Variants in MTHFD1L observed in about 807,000 individuals in gnomAD.
MTHFD1L encodes methylenetetrahydrofolate dehydrogenase (NADP+ dependent) 1 like.
MTHFD1L carries 81 observed loss-of-function variants against 119.5 expected under a neutral mutation model. That is an observed-to-expected ratio of 0.68 (90% CI 0.57 to 0.82). MTHFD1L has a LOEUF of 0.82. MTHFD1L is among the 40% of genes least tolerant of loss of function. The probability of loss-of-function intolerance (pLI) is 0.00; values close to 1 mark genes in which losing one functional copy is unlikely to be tolerated. For synonymous variants in MTHFD1L, 430 were observed against 475.2 expected, an observed-to-expected ratio of 0.90 and a Z score of 1.24; for missense variants, 1,125 against 1,253.4, an observed-to-expected ratio of 0.90 and a Z score of 1.55.
At chr6:151,025,339 T>C (rs969080708) in intron 24 of MTHFD1L, among the ~76,000 whole-genome samples, 8 of 152,224 alleles carry the variant, frequency 5.3e-5, no homozygotes, top group African/African-American at 1.7e-4. Flanking sequence ...GGGCCTGTTG[T>C]TCTCAGTAAC....
At chr6:151,083,697 A>T (rs1032294027) in intron 26 of MTHFD1L, among the ~76,000 whole-genome samples, 8 of 152,102 alleles carry the variant, frequency 5.3e-5, no homozygotes, top group African/African-American at 1.9e-4. Flanking sequence ...ATTTTTTTTT[A>T]ATTTTTGACT....
At chr6:150,966,930 C>T (rs984461860) in intron 19 of MTHFD1L, among the ~76,000 whole-genome samples, 3 of 152,180 alleles carry the variant, frequency 2.0e-5, no homozygotes, top group African/African-American at 7.2e-5. Flanking sequence ...GACTGAACGC[C>T]TTTGAACAGG....
chr6:151,040,712 A>T (rs1344012355), intron 26 of MTHFD1L, among the ~76,000 whole-genome samples: 1 of 152,220 alleles, frequency 6.6e-6, no homozygotes, highest in Non-Finnish European at 1.5e-5. Context: ...GTCTCTAAAA[A>T]AATGAAATAA....
chr6:150,912,843 T>C, intron 8 of MTHFD1L: 1 of 276,926 alleles, frequency 3.6e-6, no homozygotes. Flanking sequence ...GCCCAGATCG[T>C]AGACAACCTC....
chr6:151,037,227 A>G lies in MTHFD1L; in HGVS notation c.2847+110A>G, dbSNP rs969178798. On this transcript the variant is annotated intron_variant, in intron 26 of 27. Coordinates refer to ENST00000367321, the MANE Select transcript of MTHFD1L (RefSeq NM_015440.5). ...AAATCATGGATTAGGGAAAATTGGG[A>G]GTAATTAATAGTACAGTATTCGCTA... is the stretch of plus-strand genomic sequence containing the variant. 2.1e-4 allele frequency: 228 copies of G among 1,097,474 alleles called. 2 individuals carry two copies. In the Middle Eastern group the frequency reaches 4.0e-3, roughly 19 times the overall value. The allele number at this position is 1,097,474 out of a possible 1,614,324, so 68.0% of individuals were successfully genotyped here.
intron 16 of MTHFD1L, among the ~76,000 whole-genome samples, chr6:150,953,227 CT>C (rs1414774347): frequency 2.0e-5 from 3 of 152,230 alleles, no homozygotes; most frequent in African/African-American, 7.2e-5. Flanking sequence ...CTGCCAGGCT[CT>C]TGGCCAATAT....
At chr6:151,081,089 C>T (rs1293322933) in intron 26 of MTHFD1L, among the ~76,000 whole-genome samples, 1 of 152,192 alleles carries the variant, frequency 6.6e-6, no homozygotes, top group Admixed American at 6.5e-5. Context: ...TAAGCCACTT[C>T]TAGACCCAGT....
chr6:150,964,316 A>G (rs1188938034), intron 18 of MTHFD1L, among the ~76,000 whole-genome samples: 1 of 152,134 alleles, frequency 6.6e-6, no homozygotes, highest in Non-Finnish European at 1.5e-5. Flanking sequence ...GAGAAAGAGG[A>G]CTTAGAAGGA....
chr6:150,923,537 A>ATTTATTTATTTTTT (rs1254981530), intron 10 of MTHFD1L, among the ~76,000 whole-genome samples: 1 of 95,208 alleles, frequency 1.1e-5, no homozygotes, highest in African/African-American at 5.1e-5. Context: ...TTATTTATTT[A>ATTTATTTATTTTTT]TTTTTTCTTT....
chr6:150,969,184 G>T lies in MTHFD1L; in HGVS notation c.2014-2763G>T, dbSNP rs577158269. On this transcript the variant is annotated intron_variant, in intron 19 of 27. Transcript: ENST00000367321. ...TTTAGTAGAGGCAGGGTTTCACCAT[G>T]TTGGCCAGGCCAGTCTCAAACTCCT... 1.8e-4 allele frequency among the ~76,000 whole-genome samples: 28 copies of T among 152,222 alleles called. 1 individual carries two copies. The South Asian group carries it at 5.8e-3, about 32-fold the overall frequency.
intron 4 of MTHFD1L, among the ~76,000 whole-genome samples, chr6:150,879,170 G>T (rs1780954237): frequency 6.6e-6 from 1 of 152,206 alleles, no homozygotes; most frequent in South Asian, 2.1e-4. Flanking sequence ...ACTTGCCATT[G>T]TAGCGTGGTA....
intron 13 of MTHFD1L, among the ~76,000 whole-genome samples, chr6:150,939,851 A>AT (rs1408601174): frequency 6.6e-6 from 1 of 151,594 alleles, no homozygotes; most frequent in Non-Finnish European, 1.5e-5. Context: ...TGCCTGACTG[A>AT]TTTTTTGTAT....
intron 26 of MTHFD1L, among the ~76,000 whole-genome samples, chr6:151,081,992 G>T (rs1793235842): frequency 6.6e-6 from 1 of 152,108 alleles, no homozygotes; most frequent in South Asian, 2.1e-4. Flanking sequence ...CTTGCCAGTA[G>T]GACCTTGACA....
rs755563858 is a variant in MTHFD1L at position 150,918,592 on chromosome 6, G to T, written c.908G>T (p.Gly303Val). The change falls in exon 9 of 28, where the codon GGC (glycine) becomes GTC (valine). Residue 303 changes from glycine to valine, a missense_variant. By Grantham distance (109) the Gly-to-Val change is moderately radical (BLOSUM62 -3). Coordinates refer to ENST00000367321, the MANE Select transcript of MTHFD1L (RefSeq NM_015440.5). ...TTTTTTACAGGGAAGGTTGGGTGTG[G>T]CTCTCCAAGAATACATTTTGGTGGA... ...HDFLSGKVGCGSPRIHFGGLI... is the reference protein window; with the variant it reads ...HDFLSGKVGCVSPRIHFGGLI... 7 of 1,613,696 alleles carry T rather than the reference G, an allele frequency of 4.3e-6. No homozygotes were observed. In the Admixed American group the frequency reaches 1.2e-4, roughly 27 times the overall value.
intron 19 of MTHFD1L, among the ~76,000 whole-genome samples, chr6:150,968,291 G>A (rs970288779): frequency 1.1e-4 from 16 of 151,154 alleles, no homozygotes; most frequent in Admixed American, 2.7e-4. Context: ...GAAAGTGCCC[G>A]ACACCTATTA....
At chr6:150,961,169 C>T (rs1402134116) in intron 18 of MTHFD1L, among the ~76,000 whole-genome samples, 1 of 149,802 alleles carries the variant, frequency 6.7e-6, no homozygotes. Context: ...TCTCAGCTCA[C>T]TGCAGCCCCT....
intron 26 of MTHFD1L, among the ~76,000 whole-genome samples, chr6:151,081,937 A>G (rs758431529): frequency 1.3e-5 from 2 of 151,840 alleles, no homozygotes; most frequent in Non-Finnish European, 2.9e-5. Flanking sequence ...TCCTCTTCCC[A>G]TCTCCTCCAG....
At chr6:151,005,857 C>G (rs529230809) in intron 20 of MTHFD1L, among the ~76,000 whole-genome samples, 2 of 151,128 alleles carry the variant, frequency 1.3e-5, no homozygotes, top group East Asian at 2.0e-4. Flanking sequence ...ATATCTTTAT[C>G]GGATATGACA....
rs554223453 is a variant in MTHFD1L, at chr6:151,090,751, C to T, written c.2848-1716C>T. Among the ~76,000 whole-genome samples the T allele has an allele frequency of 2.6e-5, 4 of 152,352 alleles. No homozygotes were observed. The South Asian group carries it at 6.2e-4, about 24-fold the overall frequency. On this transcript the variant is annotated intron_variant, in intron 26 of 27. Coordinates refer to ENST00000367321, the MANE Select transcript of MTHFD1L (RefSeq NM_015440.5). ...TCATGCAAGGTGTTCTTGGCCAGGG[C>T]CTGTGGAGGTTCTACATGATATGGC...
Sources: gnomAD v4.1 joint callset for allele counts (sites outside exome capture counted in the v4.1 genomes callset) on GRCh38, gnomAD v4.1.1 for gene constraint, MANE v1.5 for transcripts, NCBI Gene and HGNC (gene_info 2026-07-23, HGNC 2026-07-21) for gene names.